Variants in SEL1L3 observed in about 807,000 individuals in gnomAD.
SEL1L3 encodes SEL1L family member 3.
A neutral mutation model predicts 142.8 loss-of-function variants in SEL1L3; 76 were observed. The ratio of observed to expected loss-of-function variants is 0.53; its 90% confidence interval spans 0.44 to 0.64. SEL1L3 has a LOEUF of 0.64. SEL1L3 is among the 30% of genes least tolerant of loss of function. The pLI, the probability that SEL1L3 is intolerant of heterozygous loss-of-function variation, is 0.00. For synonymous variants in SEL1L3, 504 were observed against 519.6 expected (o/e 0.97, Z 0.41); for missense variants, 1,262 against 1,381.7 (o/e 0.91, Z 1.37).
chr4:25,842,913 C>A (rs1442756232), intron 2 of SEL1L3, among the ~76,000 whole-genome samples: 1 of 152,144 alleles, frequency 6.6e-6, no homozygotes, highest in Non-Finnish European at 1.5e-5. Flanking sequence ...CAATGACAGG[C>A]AGGGCGGTGG....
rs1408464169 is a variant in SEL1L3, at chr4:25,828,925, T to C, written c.1157+1173A>G. 2.6e-5 allele frequency among the ~76,000 whole-genome samples: 4 copies of C among 152,210 alleles called. No individual in the cohort carries two copies. In the East Asian group the frequency reaches 7.7e-4, roughly 29 times the overall value. On this transcript the variant is annotated intron_variant, in intron 6 of 23. Coordinates refer to ENST00000399878, the MANE Select transcript of SEL1L3 (RefSeq NM_015187.5). ...AAGTGCCTAAAAGTTCTGATGCATTTTTTAAAATTATACATGCGAAATTGG... is the reference window on the plus strand; with the variant it reads ...AAGTGCCTAAAAGTTCTGATGCATTCTTTAAAATTATACATGCGAAATTGG...
intron 16 of SEL1L3, chr4:25,777,495 A>G (rs1719715165): frequency 5.4e-6 from 1 of 185,570 alleles, no homozygotes; most frequent in Non-Finnish European, 1.1e-5. Flanking sequence ...AACTTGATGT[A>G]ACTGATATAT....
At chr4:25,802,782 C>T (rs1046286733) in intron 10 of SEL1L3, among the ~76,000 whole-genome samples, 8 of 152,042 alleles carry the variant, frequency 5.3e-5, no homozygotes, top group Non-Finnish European at 7.4e-5. Flanking sequence ...GGGATTTCAC[C>T]GTGTTAGCCA....
chr4:25,781,089 C>T (rs1334421315), intron 15 of SEL1L3, among the ~76,000 whole-genome samples: 1 of 151,916 alleles, frequency 6.6e-6, no homozygotes, highest in African/African-American at 2.4e-5. Flanking sequence ...AAGTGATCTG[C>T]CTGCCTCAGC....
intron 16 of SEL1L3, 135 bp downstream of exon 16, chr4:25,778,941 G>T: frequency 4.4e-6 from 3 of 679,990 alleles, no homozygotes; most frequent in African/African-American, 1.8e-5. Context: ...ATTTTGTCTT[G>T]TCAAATTACA....
intron 10 of SEL1L3, among the ~76,000 whole-genome samples, chr4:25,803,511 G>A (rs114183908): frequency 1.1e-4 from 17 of 152,330 alleles, no homozygotes; most frequent in Non-Finnish European, 2.2e-4. Flanking sequence ...TTATTGCGAT[G>A]GTTCATTTGG....
chr4:25,849,243 T>C (rs182316914), intron 1 of SEL1L3, among the ~76,000 whole-genome samples: 12 of 152,304 alleles, frequency 7.9e-5, no homozygotes, highest in Non-Finnish European at 1.8e-4. Context: ...CCCGTGTTCA[T>C]AACAGCATTA....
rs1717329526 is a variant in SEL1L3, at chr4:25,747,699, C to A, written c.*726G>T. The A allele has an allele frequency of 6.6e-6, 1 of 152,404 alleles. No homozygotes were observed. Among genetic ancestry groups the A allele is most frequent in the African/African-American group, 2.4e-5 (1 of 41,404 alleles). 9.4% of individuals were successfully genotyped at this position (152,404 alleles called of 1,614,324 possible). ...CATATTCCGTTGCTGCCAGTCTATT[C>A]TAACGTGTAATTCATGGAGAAGACT... On this transcript the variant is annotated 3_prime_UTR_variant, in exon 24 of 24. Coordinates refer to ENST00000399878, the MANE Select transcript of SEL1L3 (RefSeq NM_015187.5).
intron 20 of SEL1L3, 50 bp from the exon 21 acceptor site, chr4:25,759,118 A>G: frequency 6.3e-7 from 1 of 1,589,256 alleles, no homozygotes; most frequent in Non-Finnish European, 8.6e-7. Context: ...AATAAAACCT[A>G]GACACACACT....
chr4:25,782,076 G>A (rs987773868), intron 15 of SEL1L3, among the ~76,000 whole-genome samples, 166 bp downstream of exon 15: 1 of 152,154 alleles, frequency 6.6e-6, no homozygotes, highest in African/African-American at 2.4e-5. Flanking sequence ...TTGGCTAGAT[G>A]CCACCCTTTC....
At chr4:25,830,771 T>C (rs1398753937) in intron 5 of SEL1L3, among the ~76,000 whole-genome samples, 1 of 152,188 alleles carries the variant, frequency 6.6e-6, no homozygotes, top group Non-Finnish European at 1.5e-5. Context: ...TTAGGGCGTG[T>C]CTCAAAGACG....
intron 11 of SEL1L3, among the ~76,000 whole-genome samples, chr4:25,795,300 T>C (rs944671544): frequency 3.3e-5 from 5 of 152,328 alleles, no homozygotes; most frequent in Admixed American, 2.6e-4. Flanking sequence ...CAACTCATCA[T>C]TTTTTAGGGC....
At chr4:25,852,807 T>C (rs1333080263) in intron 1 of SEL1L3, among the ~76,000 whole-genome samples, 1 of 152,164 alleles carries the variant, frequency 6.6e-6, no homozygotes, top group Non-Finnish European at 1.5e-5. Flanking sequence ...CAGGCTCAGC[T>C]CTCCCACTTT....
chr4:25,727,788 T>C, the SEL1L3 span, among the ~76,000 whole-genome samples: 1 of 152,092 alleles, frequency 6.6e-6, no homozygotes, highest in Non-Finnish European at 1.5e-5. Context: ...CTGGGGTGCA[T>C]CCCAGGATGG....
In SEL1L3 at chr4:25,819,839, T is replaced by A. The variant is rs1714632780; in HGVS notation, c.1392A>T (p.Ala464=). ...VQEIVSVYAS[A]AKHGGERQEA... is the part of the protein sequence containing the mutation. ...CTTGTCTCTCGCCCCCGTGCTTTGC[T>A]GCAGATGCATACACAGATACTATTT... Residue 464 remains alanine, a synonymous_variant, in exon 8 of 24, where the codon GCA becomes GCT. Coordinates refer to ENST00000399878, the MANE Select transcript of SEL1L3 (RefSeq NM_015187.5). 1.2e-6 allele frequency: 2 copies of A among 1,612,824 alleles called. No homozygotes were observed. The highest frequency in any genetic ancestry group is 3.3e-5 in the Admixed American group (2 of 59,820).
At chr4:25,735,506 T>G in the SEL1L3 span, among the ~76,000 whole-genome samples, 2 of 151,978 alleles carry the variant, frequency 1.3e-5, no homozygotes, top group Admixed American at 1.3e-4. Flanking sequence ...CTTTATTTTT[T>G]TCTGGTTCCA....
downstream of SEL1L3, among the ~76,000 whole-genome samples, chr4:25,744,931 G>T (rs917291209): frequency 2.0e-5 from 3 of 152,218 alleles, no homozygotes; most frequent in Non-Finnish European, 2.9e-5. Flanking sequence ...CCAAAAGTGT[G>T]AGAAAATAAA....
At chr4:25,784,113 CG>C in intron 14 of SEL1L3, 114 bp downstream of exon 14, 1 of 861,976 alleles carries the variant, frequency 1.2e-6, no homozygotes, top group Non-Finnish European at 1.9e-6. Context: ...CTCACCACCC[CG>C]TTTCCACCTT....
At chr4:25,846,188 A>G (rs1716497147) in intron 2 of SEL1L3, among the ~76,000 whole-genome samples, 1 of 152,192 alleles carries the variant, frequency 6.6e-6, no homozygotes, top group Admixed American at 6.5e-5. Context: ...GCACCAATGG[A>G]GAGAACTTCA....
Sources: gnomAD v4.1 joint callset for allele counts (sites outside exome capture counted in the v4.1 genomes callset) on GRCh38, gnomAD v4.1.1 for gene constraint, MANE v1.5 for transcripts, NCBI Gene and HGNC (gene_info 2026-07-23, HGNC 2026-07-21) for gene names.